Variants in ALG13 observed in about 807,000 individuals in gnomAD.
ALG13 encodes UDP-N-acetylglucosamine transferase subunit ALG13.
In ALG13, 11 loss-of-function variants were observed where a neutral mutation model predicts 87.8. The ratio of observed to expected loss-of-function variants is 0.13; its 90% CI spans 0.08 to 0.21. ALG13 has a LOEUF of 0.21. Among genes scored for constraint, ALG13 ranks in the 10% least tolerant of loss-of-function variants. The pLI, the probability that ALG13 is intolerant of heterozygous loss-of-function variation, is 1.00. For synonymous variants in ALG13, 320 were observed against 306.3 expected, an observed-to-expected ratio of 1.04 and a Z score of -0.47; for missense variants, 756 against 866.1, an observed-to-expected ratio of 0.87 and a Z score of 1.60.
intron 21 of ALG13, among the ~76,000 whole-genome samples, chrX:111,731,036 C>G (rs1249995294): frequency 8.9e-6 from 1 of 112,036 alleles, no homozygotes; most frequent in African/African-American, 3.2e-5. Flanking sequence ...TTTCACTGGC[C>G]AGAGCAGGTC....
rs995815659 is a variant in ALG13, at chrX:111,744,923, T to G, written c.2932+19T>G. 2 of 1,144,883 alleles carry G rather than the reference T, an allele frequency of 1.7e-6. No individual in the cohort carries two copies. The highest frequency in any genetic ancestry group is 4.4e-5 in the Admixed American group (2 of 45,583). 94.4% of individuals were successfully genotyped at this position (1,144,883 alleles called of 1,213,427 possible). ...CCTCAAGGTAAGTAGATTTTGAGAC[T>G]TAGGTGAGGGATCTGAGACTTAAAA... On this transcript the variant is annotated intron_variant, in intron 24 of 26. Transcript: ENST00000394780.
intron 25 of ALG13, among the ~76,000 whole-genome samples, chrX:111,754,368 C>G (rs1035630225): frequency 1.8e-5 from 2 of 111,566 alleles, no homozygotes; most frequent in Non-Finnish European, 3.8e-5. Flanking sequence ...CGGTACAAGA[C>G]AAGGATGTCC....
At position 111,686,400 on chromosome X, in the gene ALG13, A is replaced by G. The variant is rs774060436; in HGVS notation, c.383+1297A>G. Among the ~76,000 whole-genome samples the G allele has an allele frequency of 3.3e-4, 37 of 112,383 alleles. 1 individual carries two copies. The highest frequency in any genetic ancestry group is 1.9e-4 in the Admixed American group (2 of 10,622). On this transcript the variant is annotated intron_variant, in intron 3 of 26. Transcript: ENST00000394780. ...TTAGGCACTCAGTAAATACTTATTCATTCATTAAATATTTATTGAGTACCT... is the reference window on the plus strand; with the variant it reads ...TTAGGCACTCAGTAAATACTTATTCGTTCATTAAATATTTATTGAGTACCT...
chrX:111,720,451 T>TA (rs1206830863), intron 11 of ALG13, among the ~76,000 whole-genome samples: 3 of 112,169 alleles, frequency 2.7e-5, no homozygotes, highest in Non-Finnish European at 5.6e-5. Context: ...ACCCAATATT[T>TA]AGTTTGTAAT....
intron 23 of ALG13, among the ~76,000 whole-genome samples, chrX:111,740,793 G>A (rs1943674215): frequency 8.9e-6 from 1 of 111,854 alleles, no homozygotes; most frequent in Non-Finnish European, 1.9e-5. Context: ...AGTTCTTAGT[G>A]ATATTTTAAA....
intron 3 of ALG13, among the ~76,000 whole-genome samples, chrX:111,697,332 T>G (rs1937112271): frequency 9.0e-6 from 1 of 111,700 alleles, no homozygotes; most frequent in Non-Finnish European, 1.9e-5. Flanking sequence ...TTGCTGAAAT[T>G]TTGGCCTTGA....
At position 111,704,557 on chromosome X, in the gene ALG13, T is replaced by C. The variant is rs148378478; in HGVS notation, c.384-3470T>C. On this transcript the variant is annotated intron_variant, in intron 3 of 26. Transcript: ENST00000394780. ...ACATGGGTGGACTTTGAAAACCTTA[T>C]GCTAAGTAAAAGAAGCGAGTGACAC... Among the ~76,000 whole-genome samples the C allele has an allele frequency of 1.1e-4, 12 of 112,012 alleles. No homozygotes were observed. In the East Asian group the frequency reaches 2.8e-3, roughly 26 times the overall value.
chrX:111,711,814 AC>A, intron 6 of ALG13, 89 bp downstream of exon 6: 1 of 911,568 alleles, frequency 1.1e-6, no homozygotes, highest in Non-Finnish European at 1.5e-6. Context: ...TTTTAGCCAG[AC>A]CCCAAATATT....
chrX:111,717,226 G>T (rs1397603550), intron 8 of ALG13, among the ~76,000 whole-genome samples: 1 of 110,282 alleles, frequency 9.1e-6, no homozygotes, highest in Non-Finnish European at 1.9e-5. Flanking sequence ...AATTGTTTTG[G>T]GAAAAAAAAA....
At chrX:111,712,963 T>C (rs1940030564) in intron 7 of ALG13, among the ~76,000 whole-genome samples, 1 of 111,106 alleles carries the variant, frequency 9.0e-6, no homozygotes, top group Admixed American at 9.6e-5. Context: ...CAATTGATAA[T>C]TGGTTGTCTT....
intron 3 of ALG13, among the ~76,000 whole-genome samples, chrX:111,702,468 C>T (rs1938050607): frequency 9.0e-6 from 1 of 111,639 alleles, no homozygotes; most frequent in Non-Finnish European, 1.9e-5. Context: ...TGTTTTATCT[C>T]ATTTTGTTAT....
In ALG13 at chrX:111,699,420, T is replaced by C. The variant is rs185995009; in HGVS notation, c.384-8607T>C. 3.6e-5 allele frequency among the ~76,000 whole-genome samples: 4 copies of C among 112,126 alleles called. No homozygotes were observed. In the East Asian group the frequency reaches 1.1e-3, roughly 31 times the overall value. ...CCATACCATTTGTCTATTTTTGCTT[T>C]TGTTACCTGTGCTTACAGGGTCATA... is the stretch of plus-strand genomic sequence containing the variant. On this transcript the variant is annotated intron_variant, in intron 3 of 26. Coordinates refer to ENST00000394780, the MANE Select transcript of ALG13 (RefSeq NM_001099922.3).
At chrX:111,754,581 T>C (rs1370100451) in intron 25 of ALG13, among the ~76,000 whole-genome samples, 5 of 112,179 alleles carry the variant, frequency 4.5e-5, no homozygotes, top group African/African-American at 1.6e-4. Context: ...TCAGCAAAGT[T>C]GAAGTTGTGT....
chrX:111,689,623 TTA>T, intron 3 of ALG13: 1 of 749,486 alleles, frequency 1.3e-6, no homozygotes, highest in Non-Finnish European at 1.6e-6. Flanking sequence ...AAAGGAGACT[TTA>T]AAATCATTTT....
intron 19 of ALG13, among the ~76,000 whole-genome samples, chrX:111,728,615 G>T (rs1388234804): frequency 1.8e-5 from 2 of 111,111 alleles, no homozygotes; most frequent in Non-Finnish European, 1.9e-5. Flanking sequence ...TGTTAGTAGG[G>T]CACTATTGAT....
intron 3 of ALG13, among the ~76,000 whole-genome samples, chrX:111,698,592 C>T (rs111489072): frequency 1.8e-5 from 2 of 111,488 alleles, no homozygotes; most frequent in Non-Finnish European, 3.8e-5. Flanking sequence ...ATTTAGATTC[C>T]GCATGTAAAT....
chrX:111,729,398 G>GA (rs780367634), intron 19 of ALG13, among the ~76,000 whole-genome samples: 6 of 110,034 alleles, frequency 5.5e-5, no homozygotes, highest in East Asian at 5.7e-4. Context: ...TACTAGTGTA[G>GA]AAAAAAAATA....
intron 21 of ALG13, among the ~76,000 whole-genome samples, chrX:111,733,287 C>A (rs955975640): frequency 9.0e-5 from 10 of 110,908 alleles, no homozygotes; most frequent in African/African-American, 3.3e-4. Context: ...TCCCTCACCC[C>A]CTTCCCACCA....
In ALG13 at chrX:111,723,879, A is replaced by C. The variant is rs1366711544; in HGVS notation, c.1582A>C (p.Ile528Leu). The C allele has an allele frequency of 8.7e-7, 1 of 1,155,172 alleles. No individual in the cohort carries two copies. The highest frequency in any genetic ancestry group is 2.5e-5 in the Admixed American group (1 of 39,309). ...GNENNSVTVF[I>L]EELAEKHVVP... ...TGAGAACAATTCAGTAACAGTCTTC[A>C]TTGAAGAATTGGCGGAAAAGTAGGA... is the stretch of plus-strand genomic sequence containing the variant. Residue 528 changes from isoleucine (I) to leucine (L), a missense_variant, in exon 14 of 27, where the codon ATT becomes CTT. Ile to Leu is a conservative substitution (Grantham distance 5). Coordinates refer to ENST00000394780, the MANE Select transcript of ALG13 (RefSeq NM_001099922.3).
Sources: gnomAD v4.1 joint callset for allele counts (sites outside exome capture counted in the v4.1 genomes callset) on GRCh38, gnomAD v4.1.1 for gene constraint, MANE v1.5 for transcripts, NCBI Gene and HGNC (gene_info 2026-07-23, HGNC 2026-07-21) for gene names.